Variants in TMEM45A observed in about 807,000 individuals in gnomAD.
The protein encoded by TMEM45A is transmembrane protein 45A.
A neutral mutation model predicts 32.0 loss-of-function variants in TMEM45A; 25 were observed. That is an observed-to-expected ratio of 0.78 (90% CI 0.57 to 1.09). The LOEUF is 1.09. TMEM45A is among the 50% of genes least tolerant of loss of function. The probability of loss-of-function intolerance (pLI) is 0.00; values close to 1 mark genes in which losing one functional copy is unlikely to be tolerated. For synonymous variants in TMEM45A, 122 were observed against 114.8 expected (o/e 1.06, Z -0.40); for missense variants, 302 against 325.0 (o/e 0.93, Z 0.54).
At chr3:100,527,802 T>C (rs932993880) in intron 1 of TMEM45A, among the ~76,000 whole-genome samples, 74 of 152,264 alleles carry the variant, frequency 4.9e-4, no homozygotes, top group African/African-American at 1.8e-3. Flanking sequence ...CAGGACCACT[T>C]TTGGTTTAGG....
intron 1 of TMEM45A, among the ~76,000 whole-genome samples, chr3:100,540,195 A>G (rs1038761024): frequency 6.6e-6 from 1 of 152,198 alleles, no homozygotes; most frequent in Non-Finnish European, 1.5e-5. Flanking sequence ...TGGAAAAAGA[A>G]AGGTCTATGT....
At chr3:100,522,001 G>T (rs10936221) in intron 1 of TMEM45A, among the ~76,000 whole-genome samples, 1 of 151,784 alleles carries the variant, frequency 6.6e-6, no homozygotes, top group African/African-American at 2.4e-5. Context: ...GCATTTTGGT[G>T]CTCCAGTTAT....
rs1436595211 is a variant in TMEM45A at position 100,556,900 on chromosome 3, T to C, written c.331T>C (p.Leu111=). 4 of 1,614,076 alleles carry C rather than the reference T, an allele frequency of 2.5e-6. No individual in the cohort carries two copies. Among genetic ancestry groups the C allele is most frequent in the African/African-American group, 2.7e-5 (2 of 74,912 alleles). Residue 111 remains leucine (L), a synonymous_variant, in exon 3 of 6, where the codon TTA becomes CTA. Transcript: ENST00000323523. ...TGGGCTGTTGGGTGTGGCAGATATC[T>C]TATGTTTCACCATCAGTTCACTTCC... ...FFGLLGVADI[L]CFTISSLPVS...
At chr3:100,499,085 TG>T (rs1707974818) in intron 1 of TMEM45A, among the ~76,000 whole-genome samples, 1 of 152,360 alleles carries the variant, frequency 6.6e-6, no homozygotes, top group Middle Eastern at 3.4e-3. Context: ...TTACATATTC[TG>T]GATATTAATT....
intron 1 of TMEM45A, among the ~76,000 whole-genome samples, chr3:100,532,837 G>GA (rs1032082823): frequency 6.6e-6 from 1 of 152,160 alleles, no homozygotes; most frequent in Non-Finnish European, 1.5e-5. Flanking sequence ...TAAATGGGGA[G>GA]AAAAATAGTA....
chr3:100,503,512 T>C (rs1156764672), intron 1 of TMEM45A, among the ~76,000 whole-genome samples: 2 of 152,204 alleles, frequency 1.3e-5, no homozygotes, highest in East Asian at 1.9e-4. Context: ...CTTCTCTATA[T>C]AAATTAAGCC....
At chr3:100,522,925 T>C (rs971015264) in intron 1 of TMEM45A, among the ~76,000 whole-genome samples, 13 of 152,224 alleles carry the variant, frequency 8.5e-5, no homozygotes, top group African/African-American at 3.1e-4. Context: ...TTCCTGTGGT[T>C]GCGCCCATTG....
At chr3:100,546,375 A>G (rs1439260700) in intron 1 of TMEM45A, among the ~76,000 whole-genome samples, 2 of 152,240 alleles carry the variant, frequency 1.3e-5, no homozygotes, top group Non-Finnish European at 2.9e-5. Flanking sequence ...GAAAACTGAT[A>G]TATTTGCTCA....
intron 1 of TMEM45A, among the ~76,000 whole-genome samples, chr3:100,496,129 T>C (rs1405324140): frequency 6.6e-6 from 1 of 152,178 alleles, no homozygotes; most frequent in East Asian, 1.9e-4. Context: ...AGGCAAGACA[T>C]TGAACCCTTG....
At chr3:100,527,841 T>C (rs1423206775) in intron 1 of TMEM45A, among the ~76,000 whole-genome samples, 2 of 152,186 alleles carry the variant, frequency 1.3e-5, no homozygotes, top group Admixed American at 6.5e-5. Context: ...CAGAAAAGCA[T>C]AGGATGTTCA....
At chr3:100,557,447 AT>A (rs1706243785) in intron 3 of TMEM45A, among the ~76,000 whole-genome samples, 1 of 152,250 alleles carries the variant, frequency 6.6e-6, no homozygotes, top group African/African-American at 2.4e-5. Flanking sequence ...ATGCAGTCAC[AT>A]AAAAAATATG....
At chr3:100,531,567 A>C (rs1194958976) in intron 1 of TMEM45A, among the ~76,000 whole-genome samples, 1 of 152,022 alleles carries the variant, frequency 6.6e-6, no homozygotes, top group African/African-American at 2.4e-5. Flanking sequence ...AGTGGCTATT[A>C]GCTTGAATAG....
At chr3:100,527,709 G>A (rs1437879258) in intron 1 of TMEM45A, among the ~76,000 whole-genome samples, 2 of 152,148 alleles carry the variant, frequency 1.3e-5, no homozygotes, top group African/African-American at 4.8e-5. Flanking sequence ...CTCTTGCAAT[G>A]CAACTTTGGC....
At chr3:100,513,577 G>A (rs1708205835) in intron 1 of TMEM45A, among the ~76,000 whole-genome samples, 1 of 150,574 alleles carries the variant, frequency 6.6e-6, no homozygotes, top group South Asian at 2.1e-4. Context: ...AGACAGTGAT[G>A]CCCTCTCTCA....
intron 5 of TMEM45A, among the ~76,000 whole-genome samples, chr3:100,575,077 A>G (rs1489939186): frequency 6.6e-6 from 1 of 152,200 alleles, no homozygotes; most frequent in Non-Finnish European, 1.5e-5. Context: ...AGATGCAGGT[A>G]GACTGGTGAA....
chr3:100,575,286 G>A (rs1706658496), intron 5 of TMEM45A, among the ~76,000 whole-genome samples: 1 of 151,514 alleles, frequency 6.6e-6, no homozygotes, highest in African/African-American at 2.4e-5. Context: ...AGCCTGCTGA[G>A]CTTCAGCTGC....
intron 1 of TMEM45A, among the ~76,000 whole-genome samples, chr3:100,526,252 A>G (rs1344709050): frequency 6.6e-6 from 1 of 152,018 alleles, no homozygotes; most frequent in Non-Finnish European, 1.5e-5. Flanking sequence ...TTTTCCTTCT[A>G]TGGGCAATGA....
intron 1 of TMEM45A, among the ~76,000 whole-genome samples, chr3:100,503,564 T>G (rs1708036219): frequency 6.6e-6 from 1 of 152,180 alleles, no homozygotes. Context: ...TCTCCTTCCT[T>G]CTAAATGTCA....
At chr3:100,533,392 T>C (rs1263185807) in intron 1 of TMEM45A, among the ~76,000 whole-genome samples, 3 of 152,178 alleles carry the variant, frequency 2.0e-5, no homozygotes, top group African/African-American at 7.2e-5. Flanking sequence ...AGTAGACAGC[T>C]AAGCCTTGAT....
Sources: gnomAD v4.1 joint callset for allele counts (sites outside exome capture counted in the v4.1 genomes callset) on GRCh38, gnomAD v4.1.1 for gene constraint, MANE v1.5 for transcripts, NCBI Gene and HGNC (gene_info 2026-07-23, HGNC 2026-07-21) for gene names.